Variants in ARHGEF26 observed in about 807,000 individuals in gnomAD.
ARHGEF26 encodes Rho guanine nucleotide exchange factor 26.
Under a neutral mutation model 89.4 loss-of-function variants are expected in ARHGEF26, and 59 were observed. The ratio of observed to expected loss-of-function variants is 0.66; its 90% CI spans 0.54 to 0.82. The LOEUF (loss-of-function observed/expected upper bound fraction) is 0.82, where lower values mean the gene tolerates loss of function less well. Among genes scored for constraint, ARHGEF26 ranks in the 40% least tolerant of loss-of-function variants. The pLI is 0.00. For synonymous variants in ARHGEF26, 500 were observed against 428.4 expected, an observed-to-expected ratio of 1.17 and a Z score of -2.06; for missense variants, 1,234 against 1,085.6, an observed-to-expected ratio of 1.14 and a Z score of -1.92.
chr3:154,196,363 G>C (rs1446427866), intron 9 of ARHGEF26, among the ~76,000 whole-genome samples: 2 of 152,182 alleles, frequency 1.3e-5, no homozygotes, highest in African/African-American at 4.8e-5. Context: ...TGAGGATACT[G>C]TATGAGGTTG....
At chr3:154,158,228 C>A (rs919759306) in intron 6 of ARHGEF26, among the ~76,000 whole-genome samples, 7 of 152,136 alleles carry the variant, frequency 4.6e-5, no homozygotes, top group African/African-American at 1.4e-4. Context: ...TTTAAGGAGC[C>A]TGTGGGTTGG....
chr3:154,143,381 C>CT (rs1051743539), intron 4 of ARHGEF26, among the ~76,000 whole-genome samples: 2 of 151,922 alleles, frequency 1.3e-5, no homozygotes, highest in Non-Finnish European at 2.9e-5. Flanking sequence ...GTTTTGTCAC[C>CT]TTTTTTTAAC....
At chr3:154,157,571 A>C (rs75736266) in intron 6 of ARHGEF26, among the ~76,000 whole-genome samples, 8,330 of 152,148 alleles carry the variant, frequency 0.055, 648 homozygotes, top group African/African-American at 0.16. Flanking sequence ...GAAAATGTTA[A>C]AAGATTTGAG....
intron 4 of ARHGEF26, among the ~76,000 whole-genome samples, chr3:154,144,630 G>T (rs1719591633): frequency 6.6e-6 from 1 of 152,148 alleles, no homozygotes; most frequent in Non-Finnish European, 1.5e-5. Context: ...GAAATGATTT[G>T]GATTCATTCA....
intron 5 of ARHGEF26, among the ~76,000 whole-genome samples, chr3:154,150,471 ATATG>A (rs1447010903): frequency 6.6e-6 from 1 of 152,130 alleles, no homozygotes; most frequent in Non-Finnish European, 1.5e-5. Context: ...GTTAAAATGT[ATATG>A]TATGAGATTC....
At chr3:154,202,366 C>A (rs545090688) in intron 9 of ARHGEF26, among the ~76,000 whole-genome samples, 1 of 152,206 alleles carries the variant, frequency 6.6e-6, no homozygotes, top group Non-Finnish European at 1.5e-5. Flanking sequence ...TGGTCTATAT[C>A]TCTGTTTTGG....
At chr3:154,253,088 T>G in intron 12 of ARHGEF26, 28 bp from the exon 13 acceptor site, 1 of 1,613,226 alleles carries the variant, frequency 6.2e-7, no homozygotes, top group Non-Finnish European at 8.5e-7. Context: ...ACCTTGAGTC[T>G]CTCAGTTGGA....
Position 154,122,370 on chromosome 3 carries a change from A to G in ARHGEF26, c.378A>G (p.Lys126=), listed in dbSNP as rs925828995. The part of the protein sequence containing the change: ...LPKAVPGGSP[K]SPANGAVTLP... Reference sequence around the variant, plus strand: ...AAGCGGTGCCTGGCGGCTCCCCGAAATCCCCAGCAAATGGCGCGGTGACCT... The same window carrying G: ...AAGCGGTGCCTGGCGGCTCCCCGAAGTCCCCAGCAAATGGCGCGGTGACCT... Residue 126 remains lysine (K), a synonymous_variant, in exon 2 of 15, where the codon AAA becomes AAG. Coordinates refer to ENST00000465093, the MANE Select transcript of ARHGEF26 (RefSeq NM_015595.4). 3.4e-5 allele frequency: 55 copies of G among 1,612,230 alleles called. No homozygotes were observed. The highest frequency in any genetic ancestry group is 4.6e-5 in the Non-Finnish European group (54 of 1,179,594).
chr3:154,168,601 A>T (rs1712202576), intron 6 of ARHGEF26, among the ~76,000 whole-genome samples: 1 of 152,002 alleles, frequency 6.6e-6, no homozygotes, highest in Admixed American at 6.6e-5. Flanking sequence ...AAAACAGAAA[A>T]ACCCAAAAAT....
At chr3:154,144,911 T>C (rs187589494) in intron 4 of ARHGEF26, among the ~76,000 whole-genome samples, 1 of 152,358 alleles carries the variant, frequency 6.6e-6, no homozygotes, top group African/African-American at 2.4e-5. Flanking sequence ...CATATGATTT[T>C]ATGATATGTG....
At chr3:154,247,293 A>G (rs1387774676) in intron 12 of ARHGEF26, among the ~76,000 whole-genome samples, 1 of 151,760 alleles carries the variant, frequency 6.6e-6, no homozygotes, top group East Asian at 1.9e-4. Flanking sequence ...TACTATTGAC[A>G]CTCTTTTGCG....
intron 4 of ARHGEF26, among the ~76,000 whole-genome samples, chr3:154,139,001 C>G (rs929803184): frequency 6.6e-6 from 1 of 152,166 alleles, no homozygotes; most frequent in African/African-American, 2.4e-5. Context: ...AAAAGAGCAC[C>G]TGTCTGGGCA....
At chr3:154,236,527 A>T (rs766520790) in intron 11 of ARHGEF26, among the ~76,000 whole-genome samples, 1 of 152,210 alleles carries the variant, frequency 6.6e-6, no homozygotes, top group Non-Finnish European at 1.5e-5. Flanking sequence ...ACATGTTCCA[A>T]ATTGTTTCAG....
At chr3:154,215,764 T>C (rs1450369688) in intron 9 of ARHGEF26, among the ~76,000 whole-genome samples, 3 of 152,138 alleles carry the variant, frequency 2.0e-5, no homozygotes, top group Non-Finnish European at 2.9e-5. Context: ...TCTCTTCTTA[T>C]AAGGGCACTA....
chr3:154,122,970 T>C lies in ARHGEF26; in HGVS notation c.978T>C (p.Asp326=), dbSNP rs1316221267. 7 of 1,613,672 alleles carry C rather than the reference T, an allele frequency of 4.3e-6. No homozygotes were observed. The highest frequency in any genetic ancestry group is 4.2e-6 in the Non-Finnish European group (5 of 1,179,834). Residue 326 remains aspartate, a synonymous_variant, in exon 2 of 15, where the codon GAT becomes GAC. Coordinates refer to ENST00000465093, the MANE Select transcript of ARHGEF26 (RefSeq NM_015595.4). ...SYRRAVVSGF[D]FDSPTSSKKK... is the part of the protein sequence containing the mutation. Reference sequence around the variant, plus strand: ...GCAGGGCAGTGGTCAGTGGCTTTGATTTTGACAGTCCTACCAGCTCGAAGA... The same window carrying C: ...GCAGGGCAGTGGTCAGTGGCTTTGACTTTGACAGTCCTACCAGCTCGAAGA...
chr3:154,191,244 AG>A, intron 7 of ARHGEF26, 44 bp from the exon 8 acceptor site: 1 of 1,558,458 alleles, frequency 6.4e-7, no homozygotes, highest in Non-Finnish European at 8.7e-7. Context: ...GCTTAATTTG[AG>A]GAGGAAATAT....
At chr3:154,220,709 G>A (rs1716074244) in intron 10 of ARHGEF26, among the ~76,000 whole-genome samples, 2 of 152,106 alleles carry the variant, frequency 1.3e-5, no homozygotes, top group Admixed American at 1.3e-4. Flanking sequence ...AAGCAGGGAA[G>A]TGAAGCAATC....
intron 11 of ARHGEF26, among the ~76,000 whole-genome samples, chr3:154,231,479 T>C (rs1040585059): frequency 6.6e-6 from 1 of 152,198 alleles, no homozygotes; most frequent in Admixed American, 6.6e-5. Flanking sequence ...TCATGGAGTT[T>C]CTGTGAGAAT....
chr3:154,166,199 T>C (rs775257038), intron 6 of ARHGEF26, among the ~76,000 whole-genome samples: 14 of 152,058 alleles, frequency 9.2e-5, no homozygotes, highest in East Asian at 1.9e-4. Flanking sequence ...TACAGGCACA[T>C]GCCACCATGC....
Sources: allele counts gnomAD v4.1 joint callset (sites outside exome capture counted in the v4.1 genomes callset), GRCh38; gene constraint gnomAD v4.1.1; transcripts MANE v1.5; gene names NCBI Gene and HGNC (gene_info 2026-07-23, HGNC 2026-07-21).